The following MYT1L variants were observed in gnomAD, a reference collection of about 807,000 sequenced individuals.
MYT1L encodes myelin transcription factor 1 like, also known as myelin transcription factor 1-like protein.
A neutral mutation model predicts 126.7 loss-of-function variants in MYT1L; 12 were observed. That is an observed-to-expected ratio of 0.09 (90% CI 0.06 to 0.15). MYT1L has a LOEUF of 0.15. Among genes scored for constraint, MYT1L ranks in the 10% least tolerant of loss-of-function variants. The pLI is 1.00. For synonymous variants in MYT1L, 541 were observed against 604.2 expected, an observed-to-expected ratio of 0.90 and a Z score of 1.53; for missense variants, 979 against 1,585.2, an observed-to-expected ratio of 0.62 and a Z score of 6.49.
chr2:1,849,536 C>T (rs1271400680), intron 19 of MYT1L, among the ~76,000 whole-genome samples: 1 of 152,238 alleles, frequency 6.6e-6, no homozygotes, highest in Non-Finnish European at 1.5e-5. Flanking sequence ...GCAGTGACTG[C>T]AGGCATCTTT....
rs374854244 is a variant in MYT1L at position 2,038,760 on chromosome 2, T to C, written c.-158+15218A>G. On this transcript the variant is annotated intron_variant, in intron 4 of 24. Coordinates refer to ENST00000647738, the MANE Select transcript of MYT1L (RefSeq NM_001303052.2). ...TCACAGGTGGTGAGGCCCTGGTTGA[T>C]GTGTCCAGCTGTCCCTCACACACCC... Among the ~76,000 whole-genome samples, 6 of 152,106 alleles carry C rather than the reference T, an allele frequency of 3.9e-5. No homozygotes were observed. The East Asian group carries it at 7.8e-4, about 20-fold the overall frequency.
intron 4 of MYT1L, among the ~76,000 whole-genome samples, chr2:2,048,236 C>T (rs1281477022): frequency 6.6e-6 from 1 of 151,928 alleles, no homozygotes; most frequent in African/African-American, 2.4e-5. Context: ...TCTGCCCTGA[C>T]CAGAAAAAAA....
At chr2:1,972,042 C>T (rs950285615) in intron 8 of MYT1L, among the ~76,000 whole-genome samples, 1 of 152,010 alleles carries the variant, frequency 6.6e-6, no homozygotes, top group Non-Finnish European at 1.5e-5. Context: ...ATAAAGCTTA[C>T]GGGGAGGGTG....
chr2:2,190,933 G>A (rs572778417), intron 2 of MYT1L, among the ~76,000 whole-genome samples: 27 of 152,274 alleles, frequency 1.8e-4, no homozygotes, highest in African/African-American at 6.5e-4. Flanking sequence ...TTACAGGCAT[G>A]CACCACCACA....
chr2:2,176,210 T>A (rs1410629393), intron 2 of MYT1L, among the ~76,000 whole-genome samples: 1 of 152,108 alleles, frequency 6.6e-6, no homozygotes, highest in Non-Finnish European at 1.5e-5. Context: ...GAAAAGGAAA[T>A]ATATAATCAA....
At chr2:2,003,724 C>A (rs765144971) in intron 4 of MYT1L, among the ~76,000 whole-genome samples, 5 of 152,132 alleles carry the variant, frequency 3.3e-5, no homozygotes, top group Non-Finnish European at 7.4e-5. Flanking sequence ...TTAGGGCTGC[C>A]GAGCCTCCTC....
intron 9 of MYT1L, among the ~76,000 whole-genome samples, chr2:1,928,031 G>A (rs1434116596): frequency 6.6e-6 from 1 of 152,102 alleles, no homozygotes; most frequent in Non-Finnish European, 1.5e-5. Context: ...ACAGCTCACT[G>A]CAGCCTCATT....
intron 1 of MYT1L, among the ~76,000 whole-genome samples, chr2:2,323,424 C>T (rs1050750792): frequency 6.6e-6 from 1 of 152,102 alleles, no homozygotes; most frequent in African/African-American, 2.4e-5. Context: ...TTGAGTTCTA[C>T]CTAAAAAGCA....
At chr2:1,942,542 A>G (rs931743005) in intron 9 of MYT1L, among the ~76,000 whole-genome samples, 2 of 152,210 alleles carry the variant, frequency 1.3e-5, no homozygotes, top group Admixed American at 6.5e-5. Flanking sequence ...TGTACCAGTC[A>G]TTAGGCAGGA....
chr2:2,057,070 G>A (rs1489096363), intron 3 of MYT1L, among the ~76,000 whole-genome samples: 1 of 152,098 alleles, frequency 6.6e-6, no homozygotes, highest in African/African-American at 2.4e-5. Context: ...CAGGCAGAAC[G>A]ACATTGATTC....
At chr2:1,998,919 G>T (rs1425457536) in intron 4 of MYT1L, among the ~76,000 whole-genome samples, 1 of 152,074 alleles carries the variant, frequency 6.6e-6, no homozygotes, top group East Asian at 1.9e-4. Context: ...AAAAGAGAAA[G>T]AAAATGTTCG....
chr2:2,129,773 G>A (rs1020160312), intron 3 of MYT1L, among the ~76,000 whole-genome samples: 16 of 152,172 alleles, frequency 1.1e-4, no homozygotes, highest in African/African-American at 3.6e-4. Flanking sequence ...AGGTGTGGTG[G>A]CGGGCGCCTG....
intron 1 of MYT1L, among the ~76,000 whole-genome samples, chr2:2,315,685 C>T (rs2096054755): frequency 2.0e-5 from 3 of 152,152 alleles, no homozygotes; most frequent in African/African-American, 7.2e-5. Flanking sequence ...GAGTATGGGT[C>T]CTTGGCACTT....
At chr2:2,179,578 C>A (rs1572183112) in intron 2 of MYT1L, among the ~76,000 whole-genome samples, 1 of 152,192 alleles carries the variant, frequency 6.6e-6, no homozygotes. Context: ...TTATTTCACA[C>A]ACAAACACGT....
At chr2:1,809,041 A>T (rs2036169158) in intron 22 of MYT1L, 35 bp downstream of exon 22, 1 of 1,602,720 alleles carries the variant, frequency 6.2e-7, no homozygotes, top group South Asian at 1.1e-5. Flanking sequence ...GGCCTTCCTG[A>T]CCATGGGTGC....
intron 1 of MYT1L, among the ~76,000 whole-genome samples, chr2:2,315,809 A>G (rs781575683): frequency 5.8e-4 from 89 of 152,192 alleles, no homozygotes; most frequent in Non-Finnish European, 8.8e-5. Context: ...TCTTAAGCAT[A>G]TTTCTATTGC....
intron 2 of MYT1L, among the ~76,000 whole-genome samples, chr2:2,230,742 C>G (rs2094141910): frequency 6.6e-6 from 1 of 152,218 alleles, no homozygotes. Context: ...GGCTGCACAC[C>G]ACGCTGAAAG....
intron 4 of MYT1L, among the ~76,000 whole-genome samples, chr2:2,019,352 A>G (rs1420232976): frequency 6.6e-6 from 1 of 152,070 alleles, no homozygotes; most frequent in Non-Finnish European, 1.5e-5. Context: ...TTCTGCCATG[A>G]TTGCGAGGCC....
At chr2:1,847,154 C>T (rs1188821094) in intron 19 of MYT1L, among the ~76,000 whole-genome samples, 5 of 152,198 alleles carry the variant, frequency 3.3e-5, no homozygotes, top group African/African-American at 1.2e-4. Flanking sequence ...TGAGCACAGG[C>T]GCTGACAAGA....
Sources: gnomAD v4.1 joint callset for allele counts (sites outside exome capture counted in the v4.1 genomes callset) on GRCh38, gnomAD v4.1.1 for gene constraint, MANE v1.5 for transcripts, NCBI Gene and HGNC (gene_info 2026-07-23, HGNC 2026-07-21) for gene names.